The following TMEM178B variants were observed in gnomAD, a reference collection of about 807,000 sequenced individuals.
TMEM178B encodes transmembrane protein 178B.
TMEM178B carries 5 observed loss-of-function variants against 31.0 expected under a neutral mutation model. The ratio of observed to expected loss-of-function variants is 0.16; its 90% confidence interval spans 0.08 to 0.34. The LOEUF is 0.34. Ranked by LOEUF, TMEM178B falls within the 10% of genes least tolerant of loss-of-function variation. The pLI, the probability that TMEM178B is intolerant of heterozygous loss-of-function variation, is 1.00. For synonymous variants in TMEM178B, 164 were observed against 164.0 expected (o/e 1.00, Z 0.00); for missense variants, 275 against 400.3 (o/e 0.69, Z 2.67).
intron 2 of TMEM178B, among the ~76,000 whole-genome samples, chr7:141,429,373 A>G (rs1004038945): frequency 2.0e-5 from 3 of 152,206 alleles, no homozygotes; most frequent in East Asian, 3.9e-4. Flanking sequence ...GCCATAAAAA[A>G]GAATGAAATC....
At chr7:141,338,280 G>C (rs1420966249) in intron 2 of TMEM178B, among the ~76,000 whole-genome samples, 1 of 152,200 alleles carries the variant, frequency 6.6e-6, no homozygotes, top group Non-Finnish European at 1.5e-5. Context: ...TTGTTTAAAA[G>C]TTTATTATAA....
intron 2 of TMEM178B, among the ~76,000 whole-genome samples, chr7:141,227,779 T>G (rs1797370565): frequency 6.6e-6 from 1 of 152,172 alleles, no homozygotes; most frequent in African/African-American, 2.4e-5. Context: ...TGCCCTTGCA[T>G]AAGTGTTTTA....
At chr7:141,450,736 A>G (rs1386725277) in intron 3 of TMEM178B, among the ~76,000 whole-genome samples, 1 of 152,202 alleles carries the variant, frequency 6.6e-6, no homozygotes, top group Non-Finnish European at 1.5e-5. Context: ...GACAACCTAT[A>G]GCAGGTCAAC....
the TMEM178B span, among the ~76,000 whole-genome samples, chr7:141,491,186 C>G: frequency 1.3e-5 from 2 of 152,032 alleles, no homozygotes; most frequent in Non-Finnish European, 2.9e-5. Flanking sequence ...TGCTACCATG[C>G]TTGGATCATT....
intron 2 of TMEM178B, among the ~76,000 whole-genome samples, chr7:141,393,651 C>G (rs753297137): frequency 1.3e-5 from 2 of 152,202 alleles, no homozygotes; most frequent in Non-Finnish European, 2.9e-5. Context: ...CAAAGAGAGA[C>G]GACATTGTTA....
rs188045544 is a variant in TMEM178B, at chr7:141,230,014, C to T, written c.496+17310C>T. On this transcript the variant is annotated intron_variant, in intron 2 of 3. Transcript: ENST00000565468. ...ATTTTGTTCATAATTCTATGATAAGCATTTTCCCTTGTCATCAAACTCTTC... is the reference window on the plus strand; with the variant it reads ...ATTTTGTTCATAATTCTATGATAAGTATTTTCCCTTGTCATCAAACTCTTC... Among the ~76,000 whole-genome samples, 516 of 152,250 alleles carry T rather than the reference C, an allele frequency of 3.4e-3. 6 individuals are homozygous for T. The highest frequency in any genetic ancestry group is 0.012 in the African/African-American group (478 of 41,546).
At chr7:141,383,553 CT>C (rs1800369184) in intron 2 of TMEM178B, among the ~76,000 whole-genome samples, 1 of 152,070 alleles carries the variant, frequency 6.6e-6, no homozygotes, top group Non-Finnish European at 1.5e-5. Context: ...TGAACTCATC[CT>C]TTTTTGTGGC....
chr7:141,130,427 G>A (rs1795575516), intron 1 of TMEM178B, among the ~76,000 whole-genome samples: 1 of 152,166 alleles, frequency 6.6e-6, no homozygotes, highest in Non-Finnish European at 1.5e-5. Context: ...TAATTGTATA[G>A]TATGTGATCT....
intron 1 of TMEM178B, among the ~76,000 whole-genome samples, chr7:141,198,717 T>C (rs1796826087): frequency 1.3e-5 from 2 of 152,176 alleles, no homozygotes; most frequent in Non-Finnish European, 2.9e-5. Context: ...AGAGAAAGCA[T>C]GAGCTCATTG....
rs113457783 is a variant in TMEM178B, at chr7:141,115,672, C to G, written c.382+40980C>G. 5.9e-3 allele frequency among the ~76,000 whole-genome samples: 899 copies of G among 152,218 alleles called. 14 individuals are homozygous for G. The highest frequency in any genetic ancestry group is 0.01 in the Non-Finnish European group (683 of 68,024). ...GAGGGGCAAAGTTCCCTGGCTCAGT[C>G]GACTGAAAACTTCACTAGCACCTGC... On this transcript the variant is annotated intron_variant, in intron 1 of 3. Transcript: ENST00000565468.
intron 1 of TMEM178B, among the ~76,000 whole-genome samples, chr7:141,099,033 C>T (rs1241190065): frequency 6.6e-6 from 1 of 152,232 alleles, no homozygotes; most frequent in Non-Finnish European, 1.5e-5. Flanking sequence ...AGTCTTCTAA[C>T]TTTGCTAAAG....
intron 1 of TMEM178B, among the ~76,000 whole-genome samples, chr7:141,097,365 C>CAAAAAAAA (rs10718738): frequency 9.5e-4 from 81 of 85,292 alleles, no homozygotes; most frequent in Non-Finnish European, 1.3e-3. Context: ...GACTCCGTCT[C>CAAAAAAAA]AAAAAAAAAA....
chr7:141,197,922 C>T (rs578224541), intron 1 of TMEM178B, among the ~76,000 whole-genome samples: 25 of 152,208 alleles, frequency 1.6e-4, no homozygotes, highest in South Asian at 6.2e-4. Flanking sequence ...CATGAGCCAC[C>T]GCACCCTGCC....
intron 1 of TMEM178B, among the ~76,000 whole-genome samples, chr7:141,191,490 G>C (rs1354388938): frequency 2.6e-5 from 4 of 152,314 alleles, no homozygotes; most frequent in East Asian, 1.9e-4. Flanking sequence ...GACAGTGTCT[G>C]GTTCTCCACA....
chr7:141,197,492 A>G (rs1037824990), intron 1 of TMEM178B, among the ~76,000 whole-genome samples: 4 of 152,228 alleles, frequency 2.6e-5, no homozygotes, highest in Non-Finnish European at 4.4e-5. Context: ...CCCTTTAATT[A>G]ACATCTGTAA....
intron 2 of TMEM178B, among the ~76,000 whole-genome samples, chr7:141,219,633 G>A (rs978813035): frequency 1.3e-5 from 2 of 152,030 alleles, no homozygotes; most frequent in Admixed American, 6.6e-5. Flanking sequence ...GCCCCAACCC[G>A]GCCCCTGCAG....
intron 2 of TMEM178B, among the ~76,000 whole-genome samples, chr7:141,427,207 A>C (rs1278690710): frequency 1.3e-5 from 2 of 152,266 alleles, no homozygotes; most frequent in Admixed American, 1.3e-4. Flanking sequence ...AAATACAAAA[A>C]GCAATTCTAA....
At chr7:141,505,285 T>C in the TMEM178B span, among the ~76,000 whole-genome samples, 4 of 152,256 alleles carry the variant, frequency 2.6e-5, no homozygotes, top group Non-Finnish European at 5.9e-5. Context: ...ACTGTCGGGC[T>C]GTAAGCCCAA....
the TMEM178B span, among the ~76,000 whole-genome samples, chr7:141,486,936 T>A: frequency 6.6e-6 from 1 of 152,118 alleles, no homozygotes; most frequent in Admixed American, 6.6e-5. Context: ...ACAGATGACA[T>A]TCTGATAACA....
Sources: allele counts gnomAD v4.1 joint callset (sites outside exome capture counted in the v4.1 genomes callset), GRCh38; gene constraint gnomAD v4.1.1; transcripts MANE v1.5; gene names NCBI Gene and HGNC (gene_info 2026-07-23, HGNC 2026-07-21).